DEFB114: variants seen among roughly 807,000 people sequenced by gnomAD.
DEFB114 encodes beta-defensin 114.
In DEFB114, 4 loss-of-function variants were observed where a neutral mutation model predicts 2.4. That is an observed-to-expected ratio of 1.67 (90% CI 0.82 to 3.82). The LOEUF is 3.82. Ranked by LOEUF, DEFB114 falls within the 30% of genes most tolerant of loss-of-function variation. The probability of loss-of-function intolerance (pLI) is 0.01; values close to 1 mark genes in which losing one functional copy is unlikely to be tolerated. For synonymous variants in DEFB114, 35 were observed against 24.6 expected (o/e 1.42, Z -1.26); for missense variants, 113 against 85.8 (o/e 1.32, Z -1.25).
At chr6:49,960,700 C>A in intron 1 of DEFB114, among the ~76,000 whole-genome samples, 1 of 150,460 alleles carries the variant, frequency 6.6e-6, no homozygotes, top group South Asian at 2.1e-4. Context: ...CTTCATGACA[C>A]ATATTATTCT....
chr6:49,963,386 CCTT>C (rs1415498225), intron 1 of DEFB114, among the ~76,000 whole-genome samples: 1 of 149,892 alleles, frequency 6.7e-6, no homozygotes, highest in Non-Finnish European at 1.5e-5. Flanking sequence ...CAAAATGTGG[CCTT>C]CTTTATTTTC....
At chr6:49,962,083 T>A (rs920916574) in intron 1 of DEFB114, among the ~76,000 whole-genome samples, 1 of 150,554 alleles carries the variant, frequency 6.6e-6, no homozygotes, top group African/African-American at 2.4e-5. Context: ...GGGCACATGC[T>A]CAGGCATTTT....
chr6:49,961,981 A>C (rs1773469014), intron 1 of DEFB114, among the ~76,000 whole-genome samples: 1 of 150,664 alleles, frequency 6.6e-6, no homozygotes, highest in Admixed American at 6.6e-5. Context: ...CATATAGTGG[A>C]CTGTTACATA....
At chr6:49,961,998 C>T (rs187947989) in intron 1 of DEFB114, among the ~76,000 whole-genome samples, 4 of 150,566 alleles carry the variant, frequency 2.7e-5, no homozygotes, top group Admixed American at 6.6e-5. Context: ...CATACATATA[C>T]GACATTTTAG....
rs137919368 is a variant in DEFB114 at position 49,962,210 on chromosome 6, G to A, written c.56-1764C>T. Among the ~76,000 whole-genome samples the A allele has an allele frequency of 4.0e-3, 602 of 150,514 alleles. 4 individuals carry two copies. The highest frequency in any genetic ancestry group is 0.014 in the African/African-American group (570 of 41,350). On this transcript the variant is annotated intron_variant, in intron 1 of 1. Coordinates refer to ENST00000322066, the MANE Select transcript of DEFB114 (RefSeq NM_001037499.2). ...TTGGTGCTAACTTAAACTTCCAGAA[G>A]CATTGAATAATAGTTTCAGACATCT...
chr6:49,963,563 T>C (rs187715612), intron 1 of DEFB114, among the ~76,000 whole-genome samples: 184 of 150,032 alleles, frequency 1.2e-3, no homozygotes, highest in Non-Finnish European at 1.1e-3. Flanking sequence ...AATTTCCTTG[T>C]AAACCCTACT....
intron 1 of DEFB114, 34 bp downstream of exon 1, chr6:49,964,017 T>C (rs753640533): frequency 1.6e-5 from 23 of 1,474,528 alleles, no homozygotes; most frequent in Non-Finnish European, 1.9e-5. Context: ...TAGTGAGAAG[T>C]TTTACACAAA....
At chr6:49,963,971 T>C in intron 1 of DEFB114, 80 bp downstream of exon 1, 1 of 1,062,968 alleles carries the variant, frequency 9.4e-7, no homozygotes, top group Non-Finnish European at 1.4e-6. Flanking sequence ...ATTAAAAATT[T>C]GCATTCTACA....
chr6:49,963,948 T>C, intron 1 of DEFB114, 103 bp downstream of exon 1: 2 of 817,176 alleles, frequency 2.4e-6, no homozygotes, highest in Admixed American at 2.7e-5. Flanking sequence ...ACTTATTTAA[T>C]TGATAAGATT....
rs150254839 is a variant in DEFB114 at position 49,960,676 on chromosome 6, T to C, written c.56-230A>G. On this transcript the variant is annotated intron_variant, in intron 1 of 1. Coordinates refer to ENST00000322066, the MANE Select transcript of DEFB114 (RefSeq NM_001037499.2). The stretch of plus-strand genomic sequence containing the variant: ...AAATTAAAACTTGTTTTAAAATTAA[T>C]ATATGATTAAAAACTTCATGACACA... Among the ~76,000 whole-genome samples, 146 of 151,032 alleles carry C rather than the reference T, an allele frequency of 9.7e-4. 1 individual carries two copies. The highest frequency in any genetic ancestry group is 3.3e-3 in the African/African-American group (136 of 41,388).
chr6:49,963,990 T>C (rs1773502525), intron 1 of DEFB114, 61 bp downstream of exon 1: 1 of 1,263,076 alleles, frequency 7.9e-7, no homozygotes, highest in Non-Finnish European at 1.1e-6. Context: ...CAATTAATAA[T>C]TTATTATTTC....
At chr6:49,962,753 G>A (rs778566999) in intron 1 of DEFB114, among the ~76,000 whole-genome samples, 8 of 150,228 alleles carry the variant, frequency 5.3e-5, no homozygotes, top group Non-Finnish European at 9.0e-5. Context: ...TGTGGTAAGA[G>A]GCAATAGTCA....
At chr6:49,962,051 AT>A (rs777662722) in intron 1 of DEFB114, among the ~76,000 whole-genome samples, 24 of 150,402 alleles carry the variant, frequency 1.6e-4, no homozygotes, top group Non-Finnish European at 3.4e-4. Flanking sequence ...CCATTTTTGA[AT>A]ACTTTTGTAC....
chr6:49,962,663 C>A (rs1773481884), intron 1 of DEFB114, among the ~76,000 whole-genome samples: 1 of 150,176 alleles, frequency 6.7e-6, no homozygotes, highest in Admixed American at 6.7e-5. Context: ...TTAGTAAATT[C>A]TTTTACATTA....
chr6:49,960,389 C>T lies in DEFB114; in HGVS notation c.113G>A (p.Arg38Lys). 2 of 1,608,532 alleles carry T rather than the reference C, an allele frequency of 1.2e-6. No homozygotes were observed. The highest frequency in any genetic ancestry group is 1.7e-6 in the Non-Finnish European group (2 of 1,176,684). The change falls in exon 2 of 2, where the codon AGA becomes AAA. Residue 38 changes from arginine (R) to lysine (K), a missense_variant. Arg to Lys is a conservative substitution (Grantham distance 26). Transcript: ENST00000322066. Reference sequence around the variant, plus strand: ...TTGCTTTTCACTCTCAAGACAGTCTCTTTTACAACGACCGTAACGTTTGGT... The same window carrying T: ...TTGCTTTTCACTCTCAAGACAGTCTTTTTTACAACGACCGTAACGTTTGGT... ...RCTKRYGRCKRDCLESEKQID... is the reference protein window; with the variant it reads ...RCTKRYGRCKKDCLESEKQID...
At position 49,964,065 on chromosome 6, in the gene DEFB114, G is replaced by T. The variant is rs1381767387; in HGVS notation, c.41C>A (p.Thr14Asn). The T allele has an allele frequency of 6.3e-7, 1 of 1,586,670 alleles. No individual in the cohort carries two copies. Among genetic ancestry groups the T allele is most frequent in the Non-Finnish European group, 8.6e-7 (1 of 1,163,428 alleles). Reference sequence around the variant, plus strand: ...ATCTATCTTACCTGGTAGAATGAAGGTCACATAACACAGAAAATGGAGATA... The same window carrying T: ...ATCTATCTTACCTGGTAGAATGAAGTTCACATAACACAGAAAATGGAGATA... ...FYYLHFLCYV[T>N]FILPATCTLV... Residue 14 changes from threonine (T) to asparagine (N), a missense_variant, in exon 1 of 2, where the codon ACC becomes AAC. Thr to Asn is a moderately conservative substitution (Grantham distance 65). Transcript: ENST00000322066.
Position 49,960,376 on chromosome 6 carries a change from C to A in DEFB114, c.126G>T (p.Glu42Asp). The A allele has an allele frequency of 6.2e-7, 1 of 1,608,696 alleles. No individual in the cohort carries two copies. Among genetic ancestry groups the A allele is most frequent in the Non-Finnish European group, 8.5e-7 (1 of 1,176,732 alleles). Residue 42 changes from glutamate (E) to aspartate (D), a missense_variant, in exon 2 of 2, where the codon GAG becomes GAT. Transcript: ENST00000322066. ...AACATATGTCTATTTGCTTTTCACT[C>A]TCAAGACAGTCTCTTTTACAACGAC... ...RYGRCKRDCL[E>D]SEKQIDICSL...
rs551637518 is a variant in DEFB114, at chr6:49,961,197, TA to T, written c.56-752del. On this transcript the variant is annotated intron_variant, in intron 1 of 1. Coordinates refer to ENST00000322066, the MANE Select transcript of DEFB114 (RefSeq NM_001037499.2). ...TTACAAGATACATAAATATTCAATT[TA>T]AAAAATGTAAACAATTTTGTATTTT... 2.4e-4 allele frequency among the ~76,000 whole-genome samples: 36 copies of T among 150,846 alleles called. 3 individuals are homozygous for T. The South Asian group carries it at 5.8e-3, about 24-fold the overall frequency.
In DEFB114 at chr6:49,960,312, C is replaced by T. The variant is rs1773435312; in HGVS notation, c.190G>A (p.Glu64Lys). 6.2e-7 allele frequency: 1 copy of T among 1,605,296 alleles called. No homozygotes were observed. The highest frequency in any genetic ancestry group is 1.1e-5 in the South Asian group (1 of 90,360). Residue 64 changes from glutamate (E) to lysine (K), a missense_variant, in exon 2 of 2, where the codon GAA becomes AAA. Transcript: ENST00000322066. ...TCTTTTCAAAACATATCATCTTCTT[C>T]ATACAATTTCTCAGTGCAGCAAATT... Reference protein sequence around the residue: ...RKICCTEKLYEEDDMF With the variant: ...RKICCTEKLYKEDDMF
Sources: gnomAD v4.1 joint callset for allele counts (sites outside exome capture counted in the v4.1 genomes callset) on GRCh38, gnomAD v4.1.1 for gene constraint, MANE v1.5 for transcripts, NCBI Gene and HGNC (gene_info 2026-07-23, HGNC 2026-07-21) for gene names.